Variants in PDE4D observed in about 807,000 individuals in gnomAD.
PDE4D encodes phosphodiesterase 4D.
PDE4D carries 24 observed loss-of-function variants against 87.4 expected under a neutral mutation model. That is an observed-to-expected ratio of 0.27 (90% CI 0.20 to 0.39). The LOEUF is 0.39. Among genes scored for constraint, PDE4D ranks in the 10% least tolerant of loss-of-function variants. The probability of loss-of-function intolerance (pLI) is 1.00; values close to 1 mark genes in which losing one functional copy is unlikely to be tolerated. For missense variants in PDE4D, 714 were observed against 1,041.0 expected, an observed-to-expected ratio of 0.69 and a Z score of 4.32; for synonymous variants, 384 against 383.2, an observed-to-expected ratio of 1.00 and a Z score of -0.02.
chr5:59,034,681 G>C (rs535530957), intron 6 of PDE4D, among the ~76,000 whole-genome samples: 1 of 152,276 alleles, frequency 6.6e-6, no homozygotes, highest in South Asian at 2.1e-4. Flanking sequence ...TTTGCCAAAA[G>C]CCAAATACAC....
chr5:59,592,262 G>T, intron 1 of PDE4D: 1 of 463,572 alleles, frequency 2.2e-6, no homozygotes, highest in African/African-American at 2.1e-5. Context: ...TTCCACTCCT[G>T]GCAAGTTCTA....
At chr5:59,369,539 T>C (rs981120763) in intron 1 of PDE4D, among the ~76,000 whole-genome samples, 8 of 152,026 alleles carry the variant, frequency 5.3e-5, no homozygotes, top group Admixed American at 4.6e-4. Flanking sequence ...TAATACAGTG[T>C]GTATTAATAA....
intron 2 of PDE4D, among the ~76,000 whole-genome samples, chr5:60,008,008 A>G (rs1446779538): frequency 6.6e-6 from 1 of 151,948 alleles, no homozygotes; most frequent in East Asian, 1.9e-4. Flanking sequence ...TCTTCTCGGT[A>G]CTGATGAACA....
At chr5:60,011,701 T>C (rs1334198009) in intron 2 of PDE4D, among the ~76,000 whole-genome samples, 1 of 152,108 alleles carries the variant, frequency 6.6e-6, no homozygotes, top group Non-Finnish European at 1.5e-5. Context: ...AAGCTGGAAA[T>C]ATTTACTACC....
At chr5:59,028,065 A>G (rs1756576005) in intron 6 of PDE4D, among the ~76,000 whole-genome samples, 1 of 152,192 alleles carries the variant, frequency 6.6e-6, no homozygotes, top group Non-Finnish European at 1.5e-5. Context: ...ACGTATGTAC[A>G]TTCATTTATG....
At chr5:59,432,104 TC>T (rs1404640689) in intron 1 of PDE4D, among the ~76,000 whole-genome samples, 3 of 152,120 alleles carry the variant, frequency 2.0e-5, no homozygotes, top group Admixed American at 1.3e-4. Context: ...AAGATTGCTG[TC>T]TTTTCCCTTC....
intron 1 of PDE4D, among the ~76,000 whole-genome samples, chr5:60,399,792 G>A (rs1055213563): frequency 6.6e-6 from 1 of 152,258 alleles, no homozygotes; most frequent in African/African-American, 2.4e-5. Context: ...GCTCTCTGGT[G>A]TGACTTTTAA....
chr5:59,221,379 C>T (rs1053072987), intron 1 of PDE4D, among the ~76,000 whole-genome samples: 2 of 152,178 alleles, frequency 1.3e-5, no homozygotes, highest in African/African-American at 2.4e-5. Flanking sequence ...TGCCTATAAT[C>T]CCAGCACTTT....
chr5:60,420,111 G>A (rs1172488394), intron 1 of PDE4D, among the ~76,000 whole-genome samples: 1 of 152,160 alleles, frequency 6.6e-6, no homozygotes, highest in Non-Finnish European at 1.5e-5. Context: ...AGAAATAGTG[G>A]AGGTCAAGTA....
intron 1 of PDE4D, chr5:59,768,720 TC>T (rs1763128626): frequency 8.2e-7 from 1 of 1,215,996 alleles, no homozygotes; most frequent in African/African-American, 1.5e-5. Flanking sequence ...ACCCCTCCTC[TC>T]CCAAGCCCCT....
chr5:59,400,905 T>C (rs1790488226), intron 1 of PDE4D, among the ~76,000 whole-genome samples: 2 of 152,146 alleles, frequency 1.3e-5, no homozygotes, highest in African/African-American at 4.8e-5. Context: ...TTATGTATGT[T>C]ACATAAATAT....
At chr5:59,172,189 C>A (rs1198770652) in intron 5 of PDE4D, among the ~76,000 whole-genome samples, 2 of 99,926 alleles carry the variant, frequency 2.0e-5, no homozygotes, top group South Asian at 2.6e-4. Context: ...ATATATAATA[C>A]ATATATAATA....
At chr5:60,196,389 G>C (rs187241257) in intron 1 of PDE4D, among the ~76,000 whole-genome samples, 3 of 151,822 alleles carry the variant, frequency 2.0e-5, no homozygotes, top group Non-Finnish European at 4.4e-5. Flanking sequence ...AGGGTCTGTT[G>C]CTTGATAATA....
intron 1 of PDE4D, among the ~76,000 whole-genome samples, chr5:60,300,358 C>T (rs1384189442): frequency 1.3e-5 from 2 of 150,098 alleles, no homozygotes; most frequent in Non-Finnish European, 2.9e-5. Context: ...TGTCTGTTCA[C>T]TCTGATGATA....
chr5:58,983,434 T>C (rs933428864), intron 11 of PDE4D, among the ~76,000 whole-genome samples: 1 of 152,214 alleles, frequency 6.6e-6, no homozygotes, highest in African/African-American at 2.4e-5. Flanking sequence ...ATGCCCAACA[T>C]ATGGCTTGGC....
At chr5:60,248,574 G>A (rs1748057360) in intron 1 of PDE4D, among the ~76,000 whole-genome samples, 1 of 152,054 alleles carries the variant, frequency 6.6e-6, no homozygotes, top group Non-Finnish European at 1.5e-5. Flanking sequence ...GCAAGAGTGA[G>A]ACCATGGTAA....
chr5:59,700,045 G>A (rs1452147554), intron 1 of PDE4D, among the ~76,000 whole-genome samples: 1 of 152,066 alleles, frequency 6.6e-6, no homozygotes, highest in East Asian at 1.9e-4. Context: ...CTGGTCTCCT[G>A]GGATCCCTGG....
rs1190623705 is a variant in PDE4D at position 59,059,124 on chromosome 5, C to G, written c.809-20153G>C. On this transcript the variant is annotated intron_variant, in intron 5 of 14. Coordinates refer to ENST00000340635, the MANE Select transcript of PDE4D (RefSeq NM_001104631.2). ...CTTTTACTACTGGGATGTAATTGTG[C>G]TTGGCTTTAATTTCTTGTAATGATG... is the stretch of plus-strand genomic sequence containing the variant. Among the ~76,000 whole-genome samples the G allele has an allele frequency of 2.0e-5, 3 of 152,132 alleles. No homozygotes were observed. In the East Asian group the frequency reaches 5.8e-4, roughly 29 times the overall value.
chr5:59,240,585 T>C (rs879933999), intron 1 of PDE4D, among the ~76,000 whole-genome samples: 3 of 152,174 alleles, frequency 2.0e-5, no homozygotes, highest in Admixed American at 6.5e-5. Flanking sequence ...AGTGGTTCAG[T>C]TGATAACACA....
Sources: allele counts gnomAD v4.1 joint callset (sites outside exome capture counted in the v4.1 genomes callset), GRCh38; gene constraint gnomAD v4.1.1; transcripts MANE v1.5; gene names NCBI Gene and HGNC (gene_info 2026-07-23, HGNC 2026-07-21).